IP6K3: variants seen among roughly 807,000 people sequenced by gnomAD.
IP6K3 encodes ATP:1D-myo-inositol-hexakisphosphate phosphotransferase.
A neutral mutation model predicts 28.8 loss-of-function variants in IP6K3; 20 were observed. That is an observed-to-expected ratio of 0.70 (90% CI 0.49 to 1.01). The LOEUF is 1.01. Ranked by LOEUF, IP6K3 falls within the 50% of genes least tolerant of loss-of-function variation. The pLI is 0.00. For missense variants in IP6K3, 480 were observed against 537.1 expected (o/e 0.89, Z 1.05); for synonymous variants, 213 against 221.3 (o/e 0.96, Z 0.33).
chr6:33,754,743 A>G, the IP6K3 span, among the ~76,000 whole-genome samples: 3 of 152,192 alleles, frequency 2.0e-5, no homozygotes, highest in African/African-American at 7.2e-5. Flanking sequence ...GGGGACTGGG[A>G]AGACCCAGGA....
chr6:33,733,230 A>T (rs1169355289), intron 2 of IP6K3, among the ~76,000 whole-genome samples: 1 of 152,266 alleles, frequency 6.6e-6, no homozygotes, highest in Non-Finnish European at 1.5e-5. Flanking sequence ...CTATGGATAC[A>T]ATTAGCTCTG....
Position 33,728,095 on chromosome 6 carries a change from G to A in IP6K3, c.405C>T (p.Pro135=). 1 of 1,604,030 alleles carries A rather than the reference G, an allele frequency of 6.2e-7. No homozygotes were observed. Residue 135 remains proline, a synonymous_variant, in exon 3 of 6, where the codon CCC becomes CCT. Transcript: ENST00000293756. ...CTGCCCAGTGCCCTCACCTCTCCTTGGGTGAGCGTGCCAGCTGGGCATGCG... is the reference window on the plus strand; with the variant it reads ...CTGCCCAGTGCCCTCACCTCTCCTTAGGTGAGCGTGCCAGCTGGGCATGCG... ...QWPHAQLARS[P]KESPAKALLR... is the part of the protein sequence containing the mutation.
At chr6:33,757,144 A>G in the IP6K3 span, among the ~76,000 whole-genome samples, 4 of 152,216 alleles carry the variant, frequency 2.6e-5, no homozygotes. Flanking sequence ...AGGCTGTGGC[A>G]GTTCCCCTGG....
chr6:33,738,895 G>C (rs974687013), intron 1 of IP6K3, among the ~76,000 whole-genome samples: 3 of 152,178 alleles, frequency 2.0e-5, no homozygotes, highest in Non-Finnish European at 4.4e-5. Context: ...TCAGTACATG[G>C]GCTAGGAGTG....
In IP6K3 at chr6:33,742,451, G is replaced by A. The variant is rs946168190; in HGVS notation, c.-180+4307C>T. Among the ~76,000 whole-genome samples the A allele has an allele frequency of 3.3e-5, 5 of 152,142 alleles. No individual in the cohort carries two copies. Among genetic ancestry groups the A allele is most frequent in the African/African-American group, 7.2e-5 (3 of 41,430 alleles). On this transcript the variant is annotated intron_variant, in intron 1 of 5. Transcript: ENST00000293756. This position sits in a 1 kb window ranked among gnomAD's most constrained non-coding sequence, Gnocchi z 4.5. ...TGCACCTGACTGGGCAGCAAGAACC[G>A]CACACCCAGGGGCAGCATGCTGCTG...
chr6:33,744,515 T>C lies in IP6K3; in HGVS notation c.-180+2243A>G, dbSNP rs1766837496. 6.6e-6 allele frequency among the ~76,000 whole-genome samples: 1 copy of C among 152,134 alleles called. No homozygotes were observed. Among genetic ancestry groups the C allele is most frequent in the African/African-American group, 2.4e-5 (1 of 41,410 alleles). ...TTGTGTGAGTGTGTGTGAATGCTTGTGCGTGTGTGGGAGTGTGTGGCTGAG... is the reference window on the plus strand; with the variant it reads ...TTGTGTGAGTGTGTGTGAATGCTTGCGCGTGTGTGGGAGTGTGTGGCTGAG... On this transcript the variant is annotated intron_variant, in intron 1 of 5. Coordinates refer to ENST00000293756, the MANE Select transcript of IP6K3 (RefSeq NM_054111.5). The surrounding 1 kb of genome is among the most constrained non-coding windows in gnomAD (Gnocchi z 4.4).
chr6:33,744,788 ATTGAGGTTGGAT>A lies in IP6K3; in HGVS notation c.-180+1958_-180+1969del, dbSNP rs1766847354. ...GTTTTTGAAAAGCTCAGAAGCCATC[ATTGAGGTTGGAT>A]TCTCCCCATAACGTTCTATAACATC... is the stretch of plus-strand genomic sequence containing the variant. On this transcript the variant is annotated intron_variant, in intron 1 of 5. Coordinates refer to ENST00000293756, the MANE Select transcript of IP6K3 (RefSeq NM_054111.5). The surrounding 1 kb of genome is among the most constrained non-coding windows in gnomAD (Gnocchi z 4.4). Among the ~76,000 whole-genome samples the A allele has an allele frequency of 6.6e-6, 1 of 152,140 alleles. No individual in the cohort carries two copies. The highest frequency in any genetic ancestry group is 1.5e-5 in the Non-Finnish European group (1 of 68,024).
Position 33,726,762 on chromosome 6 carries a change from C to T in IP6K3, c.558G>A (p.Leu186=), listed in dbSNP as rs113762643. 24 of 1,601,212 alleles carry T rather than the reference C, an allele frequency of 1.5e-5. No individual in the cohort carries two copies. In the African/African-American group the frequency reaches 1.7e-4, roughly 12 times the overall value. ...LQCHQAHLTR[L]CSEYPENKRH... ...GCTTGTTCTCTGGGTACTCGGAGCA[C>T]AGGCGGGTCAGGTGGGCCTGGTGGC... Residue 186 remains leucine, a synonymous_variant, in exon 4 of 6, where the codon CTG becomes CTA. Transcript: ENST00000293756.
the IP6K3 span, among the ~76,000 whole-genome samples, chr6:33,755,437 G>GC: frequency 1.3e-5 from 2 of 152,248 alleles, no homozygotes; most frequent in Non-Finnish European, 2.9e-5. Context: ...GAGTGTGGGG[G>GC]CAGGGTTGGG....
chr6:33,730,104 A>C (rs538865690), intron 2 of IP6K3, among the ~76,000 whole-genome samples: 31 of 152,282 alleles, frequency 2.0e-4, no homozygotes, highest in Admixed American at 1.8e-3. Flanking sequence ...GGTAGGCCGC[A>C]TGTTTTTATG....
At chr6:33,750,985 C>A (rs868059100), upstream of IP6K3, among the ~76,000 whole-genome samples, 1 of 152,266 alleles carries the variant, frequency 6.6e-6, no homozygotes, top group Middle Eastern at 3.4e-3. The surrounding 1 kb of genome is among the most constrained non-coding windows in gnomAD (Gnocchi z 4.3). Context: ...CAGTAAAGCC[C>A]CTCCTCCCAT....
chr6:33,724,967 C>T (rs140862652), intron 5 of IP6K3, among the ~76,000 whole-genome samples: 142 of 152,202 alleles, frequency 9.3e-4, no homozygotes, highest in Admixed American at 2.6e-3. Flanking sequence ...GTGGGCCGGG[C>T]GCAGTGGCTC....
the IP6K3 span, among the ~76,000 whole-genome samples, chr6:33,758,626 G>A: frequency 6.6e-6 from 1 of 152,280 alleles, no homozygotes; most frequent in Non-Finnish European, 1.5e-5. Context: ...TTGAAATAGA[G>A]TCTCACTCTG....
chr6:33,760,296 A>G, the IP6K3 span, among the ~76,000 whole-genome samples: 27 of 152,190 alleles, frequency 1.8e-4, no homozygotes, highest in Non-Finnish European at 3.2e-4. Context: ...TGGGTCATCC[A>G]GGCTCAGGGT....
In IP6K3 at chr6:33,734,203, CAAAAAAAAAAA is replaced by C. The variant is rs144943744; in HGVS notation, c.199+1064_199+1074del. ...GGGCAACAAGACCGAAACTCCGTCTCAAAAAAAAAAAAAAAAAAAAAAGAGAATTCCTGACC... is the reference window on the plus strand; with the variant it reads ...GGGCAACAAGACCGAAACTCCGTCTCAAAAAAAAAAAGAGAATTCCTGACC... On this transcript the variant is annotated intron_variant, in intron 2 of 5. Transcript: ENST00000293756. Among the ~76,000 whole-genome samples the C allele has an allele frequency of 1.1e-4, 12 of 108,546 alleles. 1 individual carries two copies. Among genetic ancestry groups the C allele is most frequent in the Admixed American group, 4.6e-4 (5 of 10,786 alleles). 71.2% of individuals were successfully genotyped at this position (108,546 alleles called of 152,430 possible).
chr6:33,738,245 C>T (rs571724211), intron 1 of IP6K3, among the ~76,000 whole-genome samples: 7 of 152,174 alleles, frequency 4.6e-5, no homozygotes, highest in Non-Finnish European at 8.8e-5. Context: ...ACTCCTGCCC[C>T]GCACACTTGT....
intron 1 of IP6K3, among the ~76,000 whole-genome samples, chr6:33,738,816 G>A (rs558418298): frequency 1.3e-5 from 2 of 152,210 alleles, no homozygotes; most frequent in Non-Finnish European, 2.9e-5. Context: ...TGGCAGTGCT[G>A]GGGCAGGTTT....
the IP6K3 span, among the ~76,000 whole-genome samples, chr6:33,758,206 G>A: frequency 3.3e-5 from 5 of 152,166 alleles, no homozygotes; most frequent in Non-Finnish European, 7.3e-5. Flanking sequence ...GGGATAAACT[G>A]ATGAAGATGC....
chr6:33,726,670 C>T (rs1415458800), intron 4 of IP6K3, 61 bp downstream of exon 4: 12 of 1,483,166 alleles, frequency 8.1e-6, no homozygotes, highest in Non-Finnish European at 1.1e-5. Context: ...CACCTCTGCC[C>T]CTCTGTGTCT....
Sources: allele counts gnomAD v4.1 joint callset (sites outside exome capture counted in the v4.1 genomes callset), GRCh38; gene constraint gnomAD v4.1.1; non-coding constraint Gnocchi (gnomAD v3.1); transcripts MANE v1.5; gene names NCBI Gene and HGNC (gene_info 2026-07-23, HGNC 2026-07-21).